Variants in DNHD1 observed in about 807,000 individuals in gnomAD.
DNHD1 encodes dynein heavy chain domain 1, also known as dynein heavy chain domain-containing protein 1.
In DNHD1, 383 loss-of-function variants were observed where a neutral mutation model predicts 458.1. That is an observed-to-expected ratio of 0.84 (90% CI 0.77 to 0.91). The LOEUF is 0.91. Ranked by LOEUF, DNHD1 falls within the 40% of genes least tolerant of loss-of-function variation. DNHD1 has a pLI of 0.00. For missense variants in DNHD1, 5,336 were observed against 5,866.1 expected (o/e 0.91, Z 2.95); for synonymous variants, 2,203 against 2,376.9 (o/e 0.93, Z 2.13).
chr11:6,538,634 A>G lies in DNHD1; in HGVS notation c.3149A>G (p.Glu1050Gly). 1 of 1,545,710 alleles carries G rather than the reference A, an allele frequency of 6.5e-7. No individual in the cohort carries two copies. Among genetic ancestry groups the G allele is most frequent in the Non-Finnish European group, 8.7e-7 (1 of 1,142,888 alleles). The change falls in exon 16 of 43, where the codon GAG becomes GGG. Residue 1050 changes from glutamate to glycine, a missense_variant. Glu to Gly is a moderately conservative substitution (Grantham distance 98). This residue lies in a region of DNHD1 where 3,932 missense variants were observed against 4,365.6 expected (regional missense o/e 0.90). Coordinates refer to ENST00000254579, the MANE Select transcript of DNHD1 (RefSeq NM_144666.3). The part of the protein sequence containing the change: ...FAKFSPAMAQ[E>G]KTEGWLTEAA... The stretch of plus-strand genomic sequence containing the variant: ...CAGTTCAGCCCAGCTATGGCCCAGG[A>G]GAAGACAGAGGGCTGGCTGACAGAG...
In DNHD1 at chr11:6,568,813, C is replaced by T. The variant is rs773688568; in HGVS notation, c.12810C>T (p.Leu4270=). The change falls in exon 39 of 43, where the codon CTC becomes CTT. Residue 4270 remains leucine (L), a synonymous_variant. Transcript: ENST00000254579. ...QALPLLLLHG[L]LLHRQLYGTR... is the part of the protein sequence containing the mutation. ...TACCTCTGCTCCTCCTCCATGGCCT[C>T]CTGCTACACCGGCAGCTCTATGGAA... The T allele has an allele frequency of 6.2e-7, 1 of 1,613,284 alleles. No individual in the cohort carries two copies. Among genetic ancestry groups the T allele is most frequent in the Admixed American group, 1.7e-5 (1 of 59,978 alleles).
In DNHD1 at chr11:6,565,815, G is replaced by T; in HGVS notation, c.10877G>T (p.Arg3626Ile). ...ACAAAAGAGCAGAAGGCAGAGGAAA[G>T]AAAAAATGAGCAGGAGAAAGAGCAA... Reference protein sequence around the residue: ...DQTKEQKAEERKNEQEKEQEE... With the variant: ...DQTKEQKAEEIKNEQEKEQEE... The change falls in exon 33 of 43, where the codon AGA (arginine) becomes ATA (isoleucine). Residue 3626 changes from arginine to isoleucine, a missense_variant. Coordinates refer to ENST00000254579, the MANE Select transcript of DNHD1 (RefSeq NM_144666.3). 1 of 1,551,646 alleles carries T rather than the reference G, an allele frequency of 6.4e-7. No individual in the cohort carries two copies. Among genetic ancestry groups the T allele is most frequent in the Non-Finnish European group, 8.7e-7 (1 of 1,146,980 alleles).
At chr11:6,522,815 T>G (rs1852630809) in intron 10 of DNHD1, among the ~76,000 whole-genome samples, 1 of 152,118 alleles carries the variant, frequency 6.6e-6, no homozygotes, top group African/African-American at 2.4e-5. Flanking sequence ...AATTAACCCC[T>G]TTTCAATAGA....
intron 28 of DNHD1, among the ~76,000 whole-genome samples, chr11:6,562,774 A>G (rs1272019575): frequency 6.6e-6 from 1 of 152,068 alleles, no homozygotes; most frequent in Non-Finnish European, 1.5e-5. Flanking sequence ...AAGCAACCAC[A>G]CACTTGGGGC....
intron 10 of DNHD1, 51 bp from the exon 11 acceptor site, chr11:6,528,471 T>C: frequency 6.7e-7 from 1 of 1,503,630 alleles, no homozygotes; most frequent in Non-Finnish European, 8.9e-7. Flanking sequence ...GGAAGATTGT[T>C]TGTGGGCTCT....
chr11:6,519,319 A>C (rs991907120), intron 7 of DNHD1, among the ~76,000 whole-genome samples: 1 of 152,164 alleles, frequency 6.6e-6, no homozygotes, highest in Non-Finnish European at 1.5e-5. Flanking sequence ...ACATATACAC[A>C]AATTTTCTGA....
chr11:6,533,662 C>T lies in DNHD1; in HGVS notation c.2506-19C>T. The T allele has an allele frequency of 1.3e-6, 2 of 1,533,160 alleles. No individual in the cohort carries two copies. Among genetic ancestry groups the T allele is most frequent in the Non-Finnish European group, 1.8e-6 (2 of 1,136,044 alleles). The allele number at this position is 1,533,160 out of a possible 1,614,324, so 95.0% of individuals were successfully genotyped here. A position where few individuals can be genotyped will look rare whatever the true frequency, so the allele number is the denominator to read the frequency against. ...CATGGGGTTGTGGGGCTGCCGGTCT[C>T]ATGCTGTAATTCCTGCAGTTGAATG... On this transcript the variant is annotated intron_variant, in intron 13 of 42. Coordinates refer to ENST00000254579, the MANE Select transcript of DNHD1 (RefSeq NM_144666.3).
rs1331267627 is a variant in DNHD1, at chr11:6,546,535, G to T, written c.5596G>T (p.Val1866Leu). The T allele has an allele frequency of 2.6e-6, 4 of 1,551,264 alleles. No homozygotes were observed. Among genetic ancestry groups the T allele is most frequent in the Non-Finnish European group, 3.5e-6 (4 of 1,146,994 alleles). ...ATTCTTCTCTCTAGAGCGTGAGCTGGTGTCTGGGCCCCTGCCCTGCCGCCT... is the reference window on the plus strand; with the variant it reads ...ATTCTTCTCTCTAGAGCGTGAGCTGTTGTCTGGGCCCCTGCCCTGCCGCCT... ...SKFFSLEREL[V>L]SGPLPCRLPL... The change falls in exon 21 of 43, where the codon GTG becomes TTG. Residue 1866 changes from valine (V) to leucine (L), a missense_variant. Around this residue, in one of 4 missense-constraint regions of DNHD1, gnomAD observed 3,932 missense variants for 4,365.6 expected, o/e 0.90. Transcript: ENST00000254579.
chr11:6,498,468 C>G lies in DNHD1; in HGVS notation c.253C>G (p.His85Asp), dbSNP rs1852075169. 1 of 1,614,212 alleles carries G rather than the reference C, an allele frequency of 6.2e-7. No individual in the cohort carries two copies. Among genetic ancestry groups the G allele is most frequent in the Non-Finnish European group, 8.5e-7 (1 of 1,180,038 alleles). ...TAGCCCTGCAGCTTGGCGCTATCTT[C>G]ATGCAGTACTGGGTCTACTGCCTCC... Reference protein sequence around the residue: ...DSSPAAWRYLHAVLGLLPPYR... With the variant: ...DSSPAAWRYLDAVLGLLPPYR... The change falls in exon 3 of 43, where the codon CAT (histidine) becomes GAT (aspartate). Residue 85 changes from histidine to aspartate, a missense_variant. His to Asp is a moderately conservative substitution (Grantham distance 81). Around this residue, in one of 4 missense-constraint regions of DNHD1, gnomAD observed 3,932 missense variants for 4,365.6 expected, o/e 0.90. Transcript: ENST00000254579.
At position 6,539,902 on chromosome 11, in the gene DNHD1, T is replaced by G; in HGVS notation, c.3447T>G (p.Ile1149Met). The part of the protein sequence containing the change: ...NQVWQNENER[I>M]HAQETIRRLQ... Reference sequence around the variant, plus strand: ...TCTGGCAGAATGAAAATGAACGAATTCATGCCCAAGAGACTATACGGCGGT... The same window carrying G: ...TCTGGCAGAATGAAAATGAACGAATGCATGCCCAAGAGACTATACGGCGGT... The change falls in exon 18 of 43, where the codon ATT becomes ATG. Residue 1149 changes from isoleucine (I) to methionine (M), a missense_variant. Coordinates refer to ENST00000254579, the MANE Select transcript of DNHD1 (RefSeq NM_144666.3). 1 of 1,551,672 alleles carries G rather than the reference T, an allele frequency of 6.4e-7. No individual in the cohort carries two copies. Among genetic ancestry groups the G allele is most frequent in the South Asian group, 1.2e-5 (1 of 84,066 alleles).
rs371752828 is a variant in DNHD1 at position 6,538,718 on chromosome 11, G to A, written c.3233G>A (p.Arg1078His). ...AGCCCCGTGCTGCAGCACTGCATGCGCATCCTGGGGGAGTTTCGCAGCTAC... is the reference window on the plus strand; with the variant it reads ...AGCCCCGTGCTGCAGCACTGCATGCACATCCTGGGGGAGTTTCGCAGCTAC... ...LHSPVLQHCM[R>H]ILGEFRSYLP... The change falls in exon 16 of 43, where the codon CGC becomes CAC. Residue 1078 changes from arginine (R) to histidine (H), a missense_variant. Around this residue, in one of 4 missense-constraint regions of DNHD1, gnomAD observed 3,932 missense variants for 4,365.6 expected, o/e 0.90. Transcript: ENST00000254579. The A allele has an allele frequency of 5.3e-5, 82 of 1,549,792 alleles. No individual in the cohort carries two copies. Among genetic ancestry groups the A allele is most frequent in the South Asian group, 3.5e-4 (29 of 83,890 alleles).
intron 18 of DNHD1, among the ~76,000 whole-genome samples, chr11:6,542,448 A>G (rs1853114575): frequency 6.6e-6 from 1 of 152,208 alleles, no homozygotes; most frequent in African/African-American, 2.4e-5. Flanking sequence ...GTCTTTCCTG[A>G]GCTCACAGCC....
In DNHD1 at chr11:6,545,984, G is replaced by C. The variant is rs528077144; in HGVS notation, c.5045G>C (p.Cys1682Ser). The C allele has an allele frequency of 3.4e-5, 52 of 1,551,792 alleles. No individual in the cohort carries two copies. The African/African-American group carries it at 5.9e-4, about 18-fold the overall frequency. ...TTATTGGCCCTAGAGGAGGTGGCCT[G>C]TGGGACCGTACTGGGTCCTAATGGT... is the stretch of plus-strand genomic sequence containing the variant. ...VLLLALEEVA[C>S]GTVLGPNGVG... The change falls in exon 21 of 43, where the codon TGT (cysteine) becomes TCT (serine). Residue 1682 changes from cysteine (C) to serine (S), a missense_variant. By Grantham distance (112) the Cys-to-Ser change is moderately radical. This residue lies in a region of DNHD1 where 3,932 missense variants were observed against 4,365.6 expected (regional missense o/e 0.90). Transcript: ENST00000254579. This position sits in a 1 kb window ranked among gnomAD's most constrained non-coding sequence, Gnocchi z 4.9.
In DNHD1 at chr11:6,570,744, G is replaced by A. The variant is rs761560534; in HGVS notation, c.13232G>A (p.Arg4411His). 37 of 1,611,330 alleles carry A rather than the reference G, an allele frequency of 2.3e-5. No homozygotes were observed. The East Asian group carries it at 2.5e-4, about 11-fold the overall frequency. The change falls in exon 42 of 43, where the codon CGC becomes CAC. Residue 4411 changes from arginine (R) to histidine (H), a missense_variant. Coordinates refer to ENST00000254579, the MANE Select transcript of DNHD1 (RefSeq NM_144666.3). ...GCCTGGCTGTTGCGACGCCAGAGTCGCGCTCTCTTGAGTGCGCTGCAGCGG... is the reference window on the plus strand; with the variant it reads ...GCCTGGCTGTTGCGACGCCAGAGTCACGCTCTCTTGAGTGCGCTGCAGCGG... ...PQAWLLRRQS[R>H]ALLSALQRSS...
rs986983271 is a variant in DNHD1 at position 6,551,741 on chromosome 11, G to A, written c.7387+2808G>A. On this transcript the variant is annotated intron_variant, in intron 24 of 42. Coordinates refer to ENST00000254579, the MANE Select transcript of DNHD1 (RefSeq NM_144666.3). ...GCAGATCACGAGGTCAGGAGATGGAGACCATCCTGGCCAACATGGTGAAAC... is the reference window on the plus strand; with the variant it reads ...GCAGATCACGAGGTCAGGAGATGGAAACCATCCTGGCCAACATGGTGAAAC... Among the ~76,000 whole-genome samples the A allele has an allele frequency of 3.3e-5, 5 of 152,248 alleles. No homozygotes were observed. In the South Asian group the frequency reaches 1.0e-3, roughly 31 times the overall value.
At position 6,511,276 on chromosome 11, in the gene DNHD1, T is replaced by C; in HGVS notation, c.1239T>C (p.Leu413=). 1 of 1,614,102 alleles carries C rather than the reference T, an allele frequency of 6.2e-7. No individual in the cohort carries two copies. The highest frequency in any genetic ancestry group is 8.5e-7 in the Non-Finnish European group (1 of 1,179,982). ...CCAGCTTAGTCCTTGATTCTAGGCT[T>C]CTGCAGGAGCTACACTCTGTGTCCT... is the stretch of plus-strand genomic sequence containing the variant. ...FGAGLLHISR[L]LQELHSVSWL... The change falls in exon 7 of 43, where the codon CTT becomes CTC. Residue 413 remains leucine, a synonymous_variant. Coordinates refer to ENST00000254579, the MANE Select transcript of DNHD1 (RefSeq NM_144666.3).
Position 6,571,136 on chromosome 11 carries a change from C to T in DNHD1, c.13624C>T (p.Pro4542Ser). Residue 4542 changes from proline (P) to serine (S), a missense_variant, in exon 42 of 43, where the codon CCG (proline) becomes TCG (serine). Pro to Ser is a moderately conservative substitution (Grantham distance 74, BLOSUM62 -1). This residue lies in a region of DNHD1 where 698 missense variants were observed against 664.9 expected (regional missense o/e 1.05). Coordinates refer to ENST00000254579, the MANE Select transcript of DNHD1 (RefSeq NM_144666.3). The surrounding 1 kb of genome is among the most constrained non-coding windows in gnomAD (Gnocchi z 5.0). ...ACCCTTGCCTTGGCGACCTCATGCG[C>T]CGGCCGGTCCGCAGCCGCCCTGGCA... ...RLPLPWRPHA[P>S]AGPQPPWHWL... 1 of 1,600,634 alleles carries T rather than the reference C, an allele frequency of 6.2e-7. No homozygotes were observed. Among genetic ancestry groups the T allele is most frequent in the Non-Finnish European group, 8.5e-7 (1 of 1,175,322 alleles).
Position 6,539,914 on chromosome 11 carries a change from G to A in DNHD1, c.3459G>A (p.Glu1153=). ...AAAATGAACGAATTCATGCCCAAGA[G>A]ACTATACGGCGGTTGCAGCGGTACT... The part of the protein sequence containing the change: ...QNENERIHAQ[E]TIRRLQRYWE... Residue 1153 remains glutamate (E), a synonymous_variant, in exon 18 of 43, where the codon GAG becomes GAA. Coordinates refer to ENST00000254579, the MANE Select transcript of DNHD1 (RefSeq NM_144666.3). 6.4e-7 allele frequency: 1 copy of A among 1,551,740 alleles called. No individual in the cohort carries two copies. Among genetic ancestry groups the A allele is most frequent in the Non-Finnish European group, 8.7e-7 (1 of 1,147,000 alleles).
intron 3 of DNHD1, 121 bp downstream of exon 3, chr11:6,499,082 A>G: frequency 2.6e-6 from 3 of 1,151,788 alleles, no homozygotes; most frequent in African/African-American, 1.6e-5. Flanking sequence ...GATTAGCCCA[A>G]CTCCACACAA....
Sources: gnomAD v4.1 joint callset for allele counts (sites outside exome capture counted in the v4.1 genomes callset) on GRCh38, gnomAD v4.1.1 for gene constraint, gnomAD v4.1.1 regional missense constraint, Gnocchi (gnomAD v3.1) non-coding constraint, MANE v1.5 for transcripts, NCBI Gene and HGNC (gene_info 2026-07-23, HGNC 2026-07-21) for gene names.